The following PWWP3A variants were observed in gnomAD, a reference collection of about 807,000 sequenced individuals.
PWWP3A encodes PWWP domain containing 3A, DNA repair factor.
Under a neutral mutation model 79.0 loss-of-function variants are expected in PWWP3A, and 53 were observed. The ratio of observed to expected loss-of-function variants is 0.67; its 90% CI spans 0.54 to 0.84. The LOEUF (loss-of-function observed/expected upper bound fraction) is 0.84, where lower values mean the gene tolerates loss of function less well. PWWP3A is among the 40% of genes least tolerant of loss of function. The pLI, the probability that PWWP3A is intolerant of heterozygous loss-of-function variation, is 0.00. For synonymous variants in PWWP3A, 443 were observed against 394.4 expected (o/e 1.12, Z -1.46); for missense variants, 973 against 948.0 (o/e 1.03, Z -0.35).
chr19:1,375,272 T>C (rs3954337), intron 13 of PWWP3A, among the ~76,000 whole-genome samples: 22,631 of 149,528 alleles, frequency 0.15, 1,983 homozygotes, highest in African/African-American at 0.24. Flanking sequence ...ATCCTAACCT[T>C]CTTAAGTGTA....
intron 12 of PWWP3A, chr19:1,372,169 CT>C (rs1360207552): frequency 6.6e-6 from 1 of 152,298 alleles, no homozygotes; most frequent in Non-Finnish European, 1.5e-5. Flanking sequence ...ATTCTGCCCC[CT>C]GGGGGACACT....
Position 1,360,264 on chromosome 19 carries a change from G to T in PWWP3A, c.343G>T (p.Ala115Ser). The T allele has an allele frequency of 1.2e-6, 2 of 1,614,160 alleles. No individual in the cohort carries two copies. The highest frequency in any genetic ancestry group is 1.7e-6 in the Non-Finnish European group (2 of 1,180,020). Residue 115 changes from alanine (A) to serine (S), a missense_variant, in exon 5 of 14, where the codon GCT becomes TCT. By Grantham distance (99) the Ala-to-Ser change is moderately conservative. Transcript: ENST00000591337. The surrounding 1 kb of genome is among the most constrained non-coding windows in gnomAD (Gnocchi z 4.4). ...SQESSAGTGRADRSLRGKPME... is the reference protein window; with the variant it reads ...SQESSAGTGRSDRSLRGKPME... ...AGAAAGCTCTGCAGGGACAGGTAGA[G>T]CTGACCGGTCTCTGCGAGGGAAGCC...
Position 1,360,642 on chromosome 19 carries a change from A to G in PWWP3A, c.721A>G (p.Arg241Gly). ...TTCCCTTTCAGAGGACGACACGGAG[A>G]GAGACATGGGGAGCAAAGGAGGCAG... ...GSSLSEDDTE[R>G]DMGSKGGSWA... is the part of the protein sequence containing the mutation. Residue 241 changes from arginine to glycine, a missense_variant, in exon 5 of 14, where the codon AGA becomes GGA. Transcript: ENST00000591337. This position sits in a 1 kb window ranked among gnomAD's most constrained non-coding sequence, Gnocchi z 4.4. The G allele has an allele frequency of 6.2e-7, 1 of 1,613,484 alleles. No individual in the cohort carries two copies.
Position 1,362,356 on chromosome 19 carries a change from G to A in PWWP3A, c.1213+5G>A. ...CAAGAGTCCTTTTATACCACGGTAA[G>A]AAATGATCAGGGGGCGCCGGCAGTC... On this transcript the variant is annotated splice_donor_5th_base_variant and intron_variant, in intron 6 of 13. Transcript: ENST00000591337. 6.2e-7 allele frequency: 1 copy of A among 1,612,242 alleles called. No homozygotes were observed. Among genetic ancestry groups the A allele is most frequent in the Non-Finnish European group, 8.5e-7 (1 of 1,178,888 alleles).
In PWWP3A at chr19:1,355,004, C is replaced by CGGTGGCGGA. The variant is rs986844832; in HGVS notation, c.-199_-198insTGGCGGAGG. The CGGTGGCGGA allele has an allele frequency of 1.3e-5, 2 of 149,470 alleles. No individual in the cohort carries two copies. The highest frequency in any genetic ancestry group is 3.0e-5 in the Non-Finnish European group (2 of 67,698). The allele number at this position is 149,470 out of a possible 1,614,324, so 9.3% of individuals were successfully genotyped here. A position where few individuals can be genotyped will look rare whatever the true frequency, so the allele number is the denominator to read the frequency against. On this transcript the variant is annotated 5_prime_UTR_variant, in exon 1 of 14. Coordinates refer to ENST00000591337, the MANE Select transcript of PWWP3A (RefSeq NM_001369789.1). ...CGGGGAGCGGCGGCGGCGGCGGCGG[C>CGGTGGCGGA]GGCGGTGGCGGAGGCGGTGAGCGCG...
In PWWP3A at chr19:1,370,856, C is replaced by T; in HGVS notation, c.1764C>T (p.His588=). ...YIVKAKGAES[H]LRAILKSRKP... ...TGAAGGCCAAGGGCGCGGAGAGCCA[C>T]CTGCGGGCCATCCTAAAGAGCAGGA... is the stretch of plus-strand genomic sequence containing the variant. Residue 588 remains histidine (H), a synonymous_variant, in exon 12 of 14, where the codon CAC becomes CAT. Coordinates refer to ENST00000591337, the MANE Select transcript of PWWP3A (RefSeq NM_001369789.1). 6.4e-7 allele frequency: 1 copy of T among 1,564,118 alleles called. No individual in the cohort carries two copies.
intron 11 of PWWP3A, 71 bp from the exon 12 acceptor site, chr19:1,370,571 C>T (rs1156592797): frequency 1.2e-5 from 16 of 1,347,632 alleles, no homozygotes; most frequent in African/African-American, 5.9e-5. Context: ...AGCCTCCCAT[C>T]GGCCCTGACC....
rs1439966599 is a variant in PWWP3A, at chr19:1,376,788, T to A, written c.*212T>A. The A allele has an allele frequency of 4.1e-6, 2 of 492,154 alleles. No individual in the cohort carries two copies. The highest frequency in any genetic ancestry group is 7.2e-6 in the Non-Finnish European group (2 of 278,424). The allele number at this position is 492,154 out of a possible 1,614,324, so 30.5% of individuals were successfully genotyped here. ...TCTCTTTTCCTGGCAGTTTTTTTCA[T>A]TTTATTTTTGGCATTTTTTACAAGA... On this transcript the variant is annotated 3_prime_UTR_variant, in exon 14 of 14. Coordinates refer to ENST00000591337, the MANE Select transcript of PWWP3A (RefSeq NM_001369789.1).
intron 2 of PWWP3A, 47 bp from the exon 3 acceptor site, chr19:1,356,962 C>A: frequency 1.3e-6 from 2 of 1,506,032 alleles, no homozygotes; most frequent in Non-Finnish European, 1.8e-6. Flanking sequence ...CTGTTTCTCA[C>A]TGTCAGCTGT....
chr19:1,362,412 G>A (rs2082038066), intron 6 of PWWP3A, 61 bp downstream of exon 6: 7 of 1,366,722 alleles, frequency 5.1e-6, no homozygotes, highest in Admixed American at 4.0e-5. Context: ...AGCGGCGGCG[G>A]GGCTCCGAGA....
chr19:1,366,454 C>A, intron 8 of PWWP3A, 73 bp downstream of exon 8: 1 of 1,405,782 alleles, frequency 7.1e-7, no homozygotes, highest in Non-Finnish European at 1.0e-6. Context: ...TCAGAGCGGG[C>A]GTGGGGATGG....
chr19:1,358,433 G>C lies in PWWP3A; in HGVS notation c.183G>C (p.Lys61Asn). 6.2e-7 allele frequency: 1 copy of C among 1,614,110 alleles called. No homozygotes were observed. Among genetic ancestry groups the C allele is most frequent in the Non-Finnish European group, 8.5e-7 (1 of 1,179,986 alleles). ...VKSTEVEILE[K>N]SQIEAIASSL... The stretch of plus-strand genomic sequence containing the variant: ...GCACTGAAGTTGAGATCCTAGAGAA[G>C]TCTCAAATTGAAGCCATTGCTTCCT... Residue 61 changes from lysine (K) to asparagine (N), a missense_variant, in exon 4 of 14, where the codon AAG (lysine) becomes AAC (asparagine). Physicochemically the swap from Lys to Asn is moderately conservative, Grantham distance 94. Coordinates refer to ENST00000591337, the MANE Select transcript of PWWP3A (RefSeq NM_001369789.1).
At position 1,371,008 on chromosome 19, in the gene PWWP3A, TG is replaced by T; in HGVS notation, c.1921del (p.Ala641ProfsTer49). ...TACCTGCAGGGCGTCTACCAGGAGG[TG>T]GGGGCCAAGGTGCTCCAGCGCACCA... is the stretch of plus-strand genomic sequence containing the variant. ...VKYLQGVYQE[V>X]GAKVLQRTNG... is the part of the protein sequence containing the mutation. On this transcript the variant is annotated frameshift_variant, in exon 12 of 14. Coordinates refer to ENST00000591337, the MANE Select transcript of PWWP3A (RefSeq NM_001369789.1). LOFTEE classifies it high-confidence loss of function. The T allele has an allele frequency of 6.4e-7, 1 of 1,571,778 alleles. No homozygotes were observed. The highest frequency in any genetic ancestry group is 1.3e-5 in the African/African-American group (1 of 74,074).
rs1314648724 is a variant in PWWP3A, at chr19:1,358,396, T to C, written c.146T>C (p.Ile49Thr). 2 of 1,613,128 alleles carry C rather than the reference T, an allele frequency of 1.2e-6. No homozygotes were observed. The highest frequency in any genetic ancestry group is 1.7e-5 in the Admixed American group (1 of 59,958). The change falls in exon 4 of 14, where the codon ATT (isoleucine) becomes ACT (threonine). Residue 49 changes from isoleucine to threonine, a missense_variant and splice_region_variant. Ile to Thr is a moderately conservative substitution (Grantham distance 89, BLOSUM62 -1). Coordinates refer to ENST00000591337, the MANE Select transcript of PWWP3A (RefSeq NM_001369789.1). The stretch of plus-strand genomic sequence containing the variant: ...TAACGTCGATTTTGTCTCTGCAGAA[T>C]TAAGGTGAAAAGCACTGAAGTTGAG... The part of the protein sequence containing the change: ...AVQILSLEEK[I>T]KVKSTEVEIL...
chr19:1,372,143 C>T (rs1031382220), intron 12 of PWWP3A: 1 of 152,202 alleles, frequency 6.6e-6, no homozygotes, highest in African/African-American at 2.4e-5. Context: ...CAGTGTGTGT[C>T]TCTAAAAGGA....
rs2082197423 is a variant in PWWP3A at position 1,369,217 on chromosome 19, G to A, written c.1423-48G>A. ...TCTGCGTGGCTTCTGAACCCAGGGT[G>A]CTTGGCACTGCCTCCCACTGACGCC... On this transcript the variant is annotated intron_variant, in intron 9 of 13. Transcript: ENST00000591337. This position sits in a 1 kb window ranked among gnomAD's most constrained non-coding sequence, Gnocchi z 4.0. 6.3e-7 allele frequency: 1 copy of A among 1,587,258 alleles called. No homozygotes were observed. The highest frequency in any genetic ancestry group is 1.1e-5 in the South Asian group (1 of 90,004).
intron 13 of PWWP3A, among the ~76,000 whole-genome samples, chr19:1,375,686 T>A: frequency 1.6e-5 from 1 of 64,244 alleles, no homozygotes; most frequent in East Asian, 5.3e-4. Context: ...AATTTTATAA[T>A]ATATAAAACA....
chr19:1,358,088 A>G (rs2081923670), intron 3 of PWWP3A: 1 of 345,118 alleles, frequency 2.9e-6, no homozygotes, highest in South Asian at 5.6e-5. Flanking sequence ...AATCTAACAA[A>G]GGAGTGATTT....
intron 7 of PWWP3A, among the ~76,000 whole-genome samples, chr19:1,364,909 G>A (rs1184436432): frequency 6.6e-6 from 1 of 152,092 alleles, no homozygotes; most frequent in African/African-American, 2.4e-5. Flanking sequence ...ACCTGAGGTC[G>A]GGAGTTCGAG....
Sources: gnomAD v4.1 joint callset for allele counts (sites outside exome capture counted in the v4.1 genomes callset) on GRCh38, gnomAD v4.1.1 for gene constraint, Gnocchi (gnomAD v3.1) non-coding constraint, MANE v1.5 for transcripts, NCBI Gene and HGNC (gene_info 2026-07-23, HGNC 2026-07-21) for gene names.